The following LDLRAD3 variants were observed in gnomAD, a reference collection of about 807,000 sequenced individuals.
LDLRAD3 encodes the protein low-density lipoprotein receptor class A domain-containing protein 3.
Under a neutral mutation model 29.4 loss-of-function variants are expected in LDLRAD3, and 20 were observed. The observed-to-expected ratio is 0.68, with a 90% confidence interval of 0.48 to 0.99. LDLRAD3 has a LOEUF of 0.99. LDLRAD3 is among the 50% of genes least tolerant of loss of function. The pLI, the probability that LDLRAD3 is intolerant of heterozygous loss-of-function variation, is 0.00. For synonymous variants in LDLRAD3, 157 were observed against 192.7 expected, an observed-to-expected ratio of 0.81 and a Z score of 1.53; for missense variants, 420 against 454.3, an observed-to-expected ratio of 0.92 and a Z score of 0.69.
At chr11:35,956,746 AT>A (rs930648154) in intron 1 of LDLRAD3, among the ~76,000 whole-genome samples, 6 of 152,060 alleles carry the variant, frequency 3.9e-5, no homozygotes, top group African/African-American at 1.4e-4. Context: ...TATTTTATTT[AT>A]TTTTTTTGAG....
chr11:35,951,408 C>T (rs190207442), intron 1 of LDLRAD3, among the ~76,000 whole-genome samples: 96 of 152,278 alleles, frequency 6.3e-4, no homozygotes, highest in Non-Finnish European at 1.0e-3. Flanking sequence ...CATGTGAATG[C>T]GTCACATCTG....
At chr11:35,972,411 C>CAT (rs569446252) in intron 1 of LDLRAD3, 2 of 146,608 alleles carry the variant, frequency 1.4e-5, no homozygotes, top group East Asian at 4.0e-4. Flanking sequence ...ACAGCTTAAA[C>CAT]TTTTTTTTTT....
chr11:36,025,278 A>G (rs1324518502), intron 1 of LDLRAD3, among the ~76,000 whole-genome samples: 1 of 152,064 alleles, frequency 6.6e-6, no homozygotes, highest in Non-Finnish European at 1.5e-5. Context: ...AATTTTAGCA[A>G]TGAAACATTT....
At position 35,944,416 on chromosome 11, in the gene LDLRAD3, C is replaced by G. The variant is rs1218484930; in HGVS notation, c.46+272C>G. Among the ~76,000 whole-genome samples, 4 of 152,028 alleles carry G rather than the reference C, an allele frequency of 2.6e-5. No homozygotes were observed. Among genetic ancestry groups the G allele is most frequent in the Non-Finnish European group, 4.4e-5 (3 of 67,972 alleles). On this transcript the variant is annotated intron_variant, in intron 1 of 5. Transcript: ENST00000315571. The surrounding 1 kb of genome is among the most constrained non-coding windows in gnomAD (Gnocchi z 4.9). ...CTGTGTGCAGTCCGGGTCTGGGGAG[C>G]CCGGCGGCTGCCCCGATTGGGCGTA...
chr11:36,177,480 C>T (rs573783312), intron 4 of LDLRAD3, among the ~76,000 whole-genome samples: 44 of 152,188 alleles, frequency 2.9e-4, no homozygotes, highest in Non-Finnish European at 4.1e-4. Flanking sequence ...TCAAGGGCTG[C>T]TGTTCAGATT....
intron 1 of LDLRAD3, among the ~76,000 whole-genome samples, chr11:36,004,676 C>T (rs1464228653): frequency 6.6e-6 from 1 of 152,246 alleles, no homozygotes; most frequent in African/African-American, 2.4e-5. Flanking sequence ...CCACATTTCC[C>T]GTCTACATTG....
At chr11:36,210,610 C>T (rs1855271744) in intron 4 of LDLRAD3, among the ~76,000 whole-genome samples, 1 of 152,132 alleles carries the variant, frequency 6.6e-6, no homozygotes, top group South Asian at 2.1e-4. Flanking sequence ...GGAATAGAGC[C>T]TCCAGCACCT....
chr11:36,216,541 G>A (rs970222486), intron 4 of LDLRAD3, among the ~76,000 whole-genome samples: 2 of 152,156 alleles, frequency 1.3e-5, no homozygotes, highest in African/African-American at 4.8e-5. Context: ...ACCCTAGGGG[G>A]TGGGTTCTAT....
intron 2 of LDLRAD3, among the ~76,000 whole-genome samples, chr11:36,040,886 A>C (rs546301106): frequency 2.6e-5 from 4 of 152,140 alleles, no homozygotes; most frequent in Non-Finnish European, 5.9e-5. Context: ...TTGAAAAGTT[A>C]CTTTTTTTAA....
chr11:36,226,370 G>A (rs1345359582), intron 4 of LDLRAD3, among the ~76,000 whole-genome samples: 1 of 152,142 alleles, frequency 6.6e-6, no homozygotes, highest in Non-Finnish European at 1.5e-5. Context: ...TGTGAAGCCT[G>A]GCTTGAAATA....
chr11:36,141,900 A>G (rs952413233), intron 4 of LDLRAD3, among the ~76,000 whole-genome samples: 45 of 152,206 alleles, frequency 3.0e-4, no homozygotes, highest in African/African-American at 1.0e-3. Flanking sequence ...TGAAGGCAAT[A>G]AATTCCCATT....
At chr11:36,135,576 TC>T (rs1244818298) in intron 4 of LDLRAD3, among the ~76,000 whole-genome samples, 2 of 152,180 alleles carry the variant, frequency 1.3e-5, no homozygotes, top group African/African-American at 4.8e-5. Flanking sequence ...CAAACAGATT[TC>T]TTTGTTTTGG....
chr11:35,996,196 C>CA (rs1424092398), intron 1 of LDLRAD3, among the ~76,000 whole-genome samples: 1 of 152,156 alleles, frequency 6.6e-6, no homozygotes, highest in African/African-American at 2.4e-5. Flanking sequence ...GAGAGATGTA[C>CA]AACGCTTTCT....
At chr11:35,984,344 G>A (rs1180838861) in intron 1 of LDLRAD3, among the ~76,000 whole-genome samples, 2 of 152,044 alleles carry the variant, frequency 1.3e-5, no homozygotes, top group Non-Finnish European at 1.5e-5. Context: ...GTGGTTTATT[G>A]CCCTGGTTTA....
chr11:36,118,020 G>A lies in LDLRAD3; in HGVS notation c.454+19559G>A, dbSNP rs184501773. Among the ~76,000 whole-genome samples the A allele has an allele frequency of 5.3e-5, 8 of 152,274 alleles. No homozygotes were observed. In the East Asian group the frequency reaches 1.5e-3, roughly 29 times the overall value. On this transcript the variant is annotated intron_variant, in intron 4 of 5. Coordinates refer to ENST00000315571, the MANE Select transcript of LDLRAD3 (RefSeq NM_174902.4). Reference sequence around the variant, plus strand: ...CCTTAACCAAAGGTGGTGGAAAAATGTGGGGCTGAGAGAGGGCATTTGGAA... The same window carrying A: ...CCTTAACCAAAGGTGGTGGAAAAATATGGGGCTGAGAGAGGGCATTTGGAA...
At chr11:36,054,274 T>C (rs902396135) in intron 2 of LDLRAD3, among the ~76,000 whole-genome samples, 1 of 152,248 alleles carries the variant, frequency 6.6e-6, no homozygotes, top group Admixed American at 6.5e-5. Context: ...TGAAGTCTTA[T>C]ATTTAAGGCT....
At chr11:36,078,897 C>T (rs375644964) in intron 2 of LDLRAD3, among the ~76,000 whole-genome samples, 36 of 152,320 alleles carry the variant, frequency 2.4e-4, no homozygotes, top group Admixed American at 1.2e-3. Context: ...ATGAACCTGA[C>T]GCTTCCAGGG....
chr11:35,956,506 A>C (rs1291391313), intron 1 of LDLRAD3, among the ~76,000 whole-genome samples: 4 of 152,324 alleles, frequency 2.6e-5, no homozygotes, highest in Non-Finnish European at 5.9e-5. Flanking sequence ...CAAGTGATAC[A>C]TGTGCATATT....
chr11:35,965,793 T>G (rs572614725), intron 1 of LDLRAD3, among the ~76,000 whole-genome samples: 8 of 152,220 alleles, frequency 5.3e-5, no homozygotes, highest in African/African-American at 1.9e-4. Flanking sequence ...TTTATTCAAT[T>G]TAAAAAATTC....
Sources: gnomAD v4.1 joint callset for allele counts (sites outside exome capture counted in the v4.1 genomes callset) on GRCh38, gnomAD v4.1.1 for gene constraint, Gnocchi (gnomAD v3.1) non-coding constraint, MANE v1.5 for transcripts, NCBI Gene and HGNC (gene_info 2026-07-23, HGNC 2026-07-21) for gene names.